TBC1D22B: variants seen among roughly 807,000 people sequenced by gnomAD.
The protein encoded by TBC1D22B is chromosome 6 open reading frame 197.
A neutral mutation model predicts 69.1 loss-of-function variants in TBC1D22B; 32 were observed. That is an observed-to-expected ratio of 0.46 (90% confidence interval 0.35 to 0.62). The LOEUF is 0.62. Among genes scored for constraint, TBC1D22B ranks in the 20% least tolerant of loss-of-function variants. The probability of loss-of-function intolerance (pLI) is 0.00; values close to 1 mark genes in which losing one functional copy is unlikely to be tolerated. For synonymous variants in TBC1D22B, 206 were observed against 229.8 expected, an observed-to-expected ratio of 0.90 and a Z score of 0.94; for missense variants, 462 against 630.9, an observed-to-expected ratio of 0.73 and a Z score of 2.87.
chr6:37,309,142 C>A (rs149711), intron 8 of TBC1D22B, among the ~76,000 whole-genome samples: 128,798 of 152,242 alleles, frequency 0.85, 54,670 homozygotes, highest in South Asian at 0.91. Flanking sequence ...ACTGATATTA[C>A]CACTTTAACA....
intron 12 of TBC1D22B, among the ~76,000 whole-genome samples, chr6:37,319,156 AT>A (rs774778656): frequency 6.6e-6 from 1 of 152,198 alleles, no homozygotes; most frequent in Non-Finnish European, 1.5e-5. Context: ...AGGAGAGCAG[AT>A]GCATTGACTT....
intron 12 of TBC1D22B, chr6:37,324,261 GC>G (rs1345871241): frequency 6.6e-6 from 3 of 456,360 alleles, no homozygotes; most frequent in Non-Finnish European, 1.3e-5. Context: ...GGTTGTGCCA[GC>G]CCTTATTGCA....
intron 8 of TBC1D22B, among the ~76,000 whole-genome samples, chr6:37,300,930 C>T (rs1767547333): frequency 6.6e-6 from 1 of 152,196 alleles, no homozygotes; most frequent in South Asian, 2.1e-4. Flanking sequence ...ATCTTGCCTA[C>T]AGTTGTCAAA....
At chr6:37,313,549 C>T (rs1336941341) in intron 9 of TBC1D22B, among the ~76,000 whole-genome samples, 1 of 151,872 alleles carries the variant, frequency 6.6e-6, no homozygotes, top group African/African-American at 2.4e-5. Flanking sequence ...CAGAAATCTC[C>T]ATGTTGCCTT....
At chr6:37,295,629 C>A in intron 8 of TBC1D22B, 1 of 433,776 alleles carries the variant, frequency 2.3e-6, no homozygotes, top group Non-Finnish European at 4.6e-6. Flanking sequence ...TTACTATTAT[C>A]AATGGCACTG....
At chr6:37,288,178 G>A (rs1430181843) in intron 7 of TBC1D22B, among the ~76,000 whole-genome samples, 1 of 152,156 alleles carries the variant, frequency 6.6e-6, no homozygotes, top group Non-Finnish European at 1.5e-5. Flanking sequence ...CTCCACTGGT[G>A]GGGTCCCTCA....
chr6:37,283,993 G>A (rs1371849260), intron 5 of TBC1D22B, among the ~76,000 whole-genome samples: 1 of 152,192 alleles, frequency 6.6e-6, no homozygotes, highest in African/African-American at 2.4e-5. Context: ...ACAGCCCTCC[G>A]AGGCCATGAC....
rs904784820 is a variant in TBC1D22B, at chr6:37,274,104, T to C, written c.113+4454T>C. ...AGCAGCTGCATTGGCCACTTGATGG[T>C]ATGACAAGCTTCTAAGTTTATTGTT... On this transcript the variant is annotated intron_variant, in intron 2 of 12. Transcript: ENST00000373491. Among the ~76,000 whole-genome samples, 42 of 152,346 alleles carry C rather than the reference T, an allele frequency of 2.8e-4. 1 individual carries two copies. The highest frequency in any genetic ancestry group is 1.9e-4 in the Non-Finnish European group (13 of 68,038).
chr6:37,265,310 C>T (rs1455073034), intron 1 of TBC1D22B, among the ~76,000 whole-genome samples: 1 of 152,192 alleles, frequency 6.6e-6, no homozygotes, highest in African/African-American at 2.4e-5. Flanking sequence ...ATTAGGTTTG[C>T]TTTTCTTCTG....
intron 8 of TBC1D22B, among the ~76,000 whole-genome samples, chr6:37,300,590 G>A (rs1177345013): frequency 1.3e-5 from 2 of 151,936 alleles, no homozygotes; most frequent in African/African-American, 4.8e-5. Flanking sequence ...TGGAACTCCT[G>A]GCCTGAAGTC....
chr6:37,294,408 G>A (rs544067906), intron 8 of TBC1D22B, among the ~76,000 whole-genome samples: 1 of 152,108 alleles, frequency 6.6e-6, no homozygotes, highest in East Asian at 1.9e-4. Context: ...CCTGGTTCAA[G>A]TGGTCCTCCC....
chr6:37,270,445 C>T (rs930936140), intron 2 of TBC1D22B, among the ~76,000 whole-genome samples: 6 of 151,518 alleles, frequency 4.0e-5, no homozygotes, highest in African/African-American at 1.2e-4. Context: ...AGCGAGATGC[C>T]GTCTCAAAAA....
At chr6:37,290,363 T>G (rs566530407) in intron 7 of TBC1D22B, among the ~76,000 whole-genome samples, 1 of 152,170 alleles carries the variant, frequency 6.6e-6, no homozygotes, top group Non-Finnish European at 1.5e-5. Context: ...GTGTCAGACT[T>G]GGGAATTGTG....
intron 12 of TBC1D22B, among the ~76,000 whole-genome samples, chr6:37,319,282 G>A (rs1768170437): frequency 6.6e-6 from 1 of 152,248 alleles, no homozygotes; most frequent in Non-Finnish European, 1.5e-5. Flanking sequence ...CAAGGGGCTG[G>A]AATGGCTGTA....
At chr6:37,316,563 G>T in intron 10 of TBC1D22B, 140 bp from the exon 11 acceptor site, 1 of 872,678 alleles carries the variant, frequency 1.1e-6, no homozygotes, top group Non-Finnish European at 1.8e-6. Flanking sequence ...ATAAAGGACA[G>T]TCAGATGGCT....
At chr6:37,265,901 G>C (rs1583521677) in intron 1 of TBC1D22B, among the ~76,000 whole-genome samples, 1 of 152,258 alleles carries the variant, frequency 6.6e-6, no homozygotes, top group Admixed American at 6.5e-5. Flanking sequence ...GATCACCTCT[G>C]TTATGTGAAA....
At chr6:37,323,968 A>G (rs1581635865) in intron 12 of TBC1D22B, among the ~76,000 whole-genome samples, 1 of 152,362 alleles carries the variant, frequency 6.6e-6, no homozygotes, top group Admixed American at 6.5e-5. Flanking sequence ...GGAAAAGCCA[A>G]TGAATAAAAG....
chr6:37,323,317 C>T (rs1269974032), intron 12 of TBC1D22B, among the ~76,000 whole-genome samples: 8 of 152,118 alleles, frequency 5.3e-5, no homozygotes, highest in Non-Finnish European at 8.8e-5. Flanking sequence ...CGCTTGAGCC[C>T]AGGAGTTCGA....
chr6:37,289,484 G>C (rs567317502), intron 7 of TBC1D22B, among the ~76,000 whole-genome samples: 1 of 152,194 alleles, frequency 6.6e-6, no homozygotes, highest in Non-Finnish European at 1.5e-5. Context: ...TACCATGTGA[G>C]TGTGTCTGTG....
Sources: allele counts gnomAD v4.1 joint callset (sites outside exome capture counted in the v4.1 genomes callset), GRCh38; gene constraint gnomAD v4.1.1; transcripts MANE v1.5; gene names NCBI Gene and HGNC (gene_info 2026-07-23, HGNC 2026-07-21).